The following ZNF438 variants were observed in gnomAD, a reference collection of about 807,000 sequenced individuals.
The protein encoded by ZNF438 is zinc finger protein 438.
ZNF438 carries 25 observed loss-of-function variants against 38.0 expected under a neutral mutation model. The observed-to-expected ratio is 0.66, with a 90% CI of 0.48 to 0.92. ZNF438 has a LOEUF of 0.92. Among genes scored for constraint, ZNF438 ranks in the 40% least tolerant of loss-of-function variants. The pLI is 0.00. For missense variants in ZNF438, 1,007 were observed against 999.6 expected (o/e 1.01, Z -0.10); for synonymous variants, 372 against 364.1 (o/e 1.02, Z -0.25).
chr10:30,943,279 G>A (rs2047013248), intron 1 of ZNF438, among the ~76,000 whole-genome samples: 1 of 152,092 alleles, frequency 6.6e-6, no homozygotes, highest in South Asian at 2.1e-4. Context: ...AGGAAAGGAT[G>A]GGTGATGAAT....
exon 5 of ZNF438, chr10:30,849,986 A>G: frequency 1.2e-6 from 2 of 1,614,092 alleles, no homozygotes; most frequent in Non-Finnish European, 8.5e-7. Flanking sequence ...CTTAGGAAAG[A>G]TCAGGATGGG....
At chr10:30,847,821 C>T (rs999077615) in intron 5 of ZNF438, among the ~76,000 whole-genome samples, 3 of 152,244 alleles carry the variant, frequency 2.0e-5, no homozygotes, top group Non-Finnish European at 2.9e-5. Flanking sequence ...GCGTGCCTGC[C>T]TATGCGCAGT....
chr10:30,959,164 TG>T (rs1381805267), intron 1 of ZNF438, among the ~76,000 whole-genome samples: 1 of 147,396 alleles, frequency 6.8e-6, no homozygotes, highest in Non-Finnish European at 1.5e-5. Context: ...CTCAGATATT[TG>T]GTCAAACATT....
At chr10:30,927,875 CA>C in intron 2 of ZNF438, among the ~76,000 whole-genome samples, 1 of 151,452 alleles carries the variant, frequency 6.6e-6, no homozygotes, top group East Asian at 1.9e-4. Flanking sequence ...CTCACTGAGC[CA>C]AAAAAAAGTA....
At chr10:30,963,359 T>G (rs553084050) in intron 1 of ZNF438, among the ~76,000 whole-genome samples, 25 of 122,482 alleles carry the variant, frequency 2.0e-4, no homozygotes, top group African/African-American at 7.1e-4. Context: ...GATACTGCAC[T>G]CCAGCCTGGG....
chr10:30,860,837 G>A (rs1391385799), intron 4 of ZNF438, among the ~76,000 whole-genome samples: 2 of 152,196 alleles, frequency 1.3e-5, no homozygotes, highest in African/African-American at 4.8e-5. Context: ...AAACCTAGCA[G>A]GGAAGAAAGC....
At chr10:30,891,263 G>A (rs1260363815) in intron 3 of ZNF438, among the ~76,000 whole-genome samples, 1 of 151,644 alleles carries the variant, frequency 6.6e-6, no homozygotes, top group Non-Finnish European at 1.5e-5. Flanking sequence ...TTGAAATGTT[G>A]GGCTTCCCTG....
chr10:30,945,517 G>C (rs2047302810), intron 1 of ZNF438, among the ~76,000 whole-genome samples: 1 of 151,372 alleles, frequency 6.6e-6, no homozygotes, highest in Non-Finnish European at 1.5e-5. Flanking sequence ...TCATCATCTA[G>C]CATTAGGTAT....
chr10:30,929,304 C>CTGA (rs1345646445), intron 2 of ZNF438, among the ~76,000 whole-genome samples: 2 of 152,140 alleles, frequency 1.3e-5, no homozygotes, highest in Non-Finnish European at 2.9e-5. Context: ...TTTGTTCCTT[C>CTGA]TGATGTTCAG....
intron 1 of ZNF438, among the ~76,000 whole-genome samples, chr10:30,997,176 C>T (rs558553331): frequency 2.5e-4 from 38 of 151,754 alleles, no homozygotes; most frequent in African/African-American, 7.7e-4. Flanking sequence ...AGCAAGCAGA[C>T]GGAAGGAAAT....
intron 1 of ZNF438, among the ~76,000 whole-genome samples, chr10:31,031,379 A>T (rs939513697): frequency 1.3e-5 from 2 of 152,222 alleles, no homozygotes; most frequent in South Asian, 2.1e-4. Context: ...AAATGTGTCC[A>T]CGATGACTTG....
chr10:30,991,136 C>T (rs1236161192), intron 1 of ZNF438, among the ~76,000 whole-genome samples: 1 of 152,186 alleles, frequency 6.6e-6, no homozygotes, highest in African/African-American at 2.4e-5. Flanking sequence ...TGACTTATGT[C>T]TTAGTCTGTT....
chr10:30,914,436 T>G (rs1409244247), intron 2 of ZNF438, among the ~76,000 whole-genome samples: 1 of 151,612 alleles, frequency 6.6e-6, no homozygotes, highest in Admixed American at 6.6e-5. Flanking sequence ...AAAAATTAGA[T>G]AGAACTAAAT....
At chr10:30,873,602 T>C (rs1210234055) in intron 4 of ZNF438, among the ~76,000 whole-genome samples, 1 of 152,208 alleles carries the variant, frequency 6.6e-6, no homozygotes, top group East Asian at 1.9e-4. Context: ...ATTCTGATTT[T>C]CAAAGTATGT....
chr10:31,002,945 G>A (rs1453159343), intron 1 of ZNF438, among the ~76,000 whole-genome samples: 1 of 152,148 alleles, frequency 6.6e-6, no homozygotes, highest in African/African-American at 2.4e-5. Context: ...CCCCAAACAA[G>A]TAATGCAGGT....
At chr10:30,950,493 G>C (rs1293301365) in intron 1 of ZNF438, among the ~76,000 whole-genome samples, 1 of 151,596 alleles carries the variant, frequency 6.6e-6, no homozygotes, top group African/African-American at 2.4e-5. Context: ...AAAATTGATA[G>C]ACTGCTAGCA....
At chr10:30,932,853 G>A (rs180840285) in intron 2 of ZNF438, among the ~76,000 whole-genome samples, 77 of 152,288 alleles carry the variant, frequency 5.1e-4, no homozygotes, top group African/African-American at 1.6e-3. Flanking sequence ...AAATTTGGAT[G>A]TAGACAGACA....
At chr10:30,896,145 A>T (rs1022517954) in intron 3 of ZNF438, among the ~76,000 whole-genome samples, 10 of 152,030 alleles carry the variant, frequency 6.6e-5, no homozygotes, top group South Asian at 2.1e-4. Flanking sequence ...AATACAAAAA[A>T]ATTAGCTGGG....
chr10:30,961,549 A>C (rs1423481431), intron 1 of ZNF438, among the ~76,000 whole-genome samples: 2 of 146,122 alleles, frequency 1.4e-5, no homozygotes, highest in Non-Finnish European at 1.6e-5. Context: ...AAAAGTGCTA[A>C]ATTTTAAATT....
Sources: allele counts gnomAD v4.1 joint callset (sites outside exome capture counted in the v4.1 genomes callset), GRCh38; gene constraint gnomAD v4.1.1; transcripts MANE v1.5; gene names NCBI Gene and HGNC (gene_info 2026-07-23, HGNC 2026-07-21).